Variants in NWD1 observed in about 807,000 individuals in gnomAD.
NWD1 encodes NACHT domain- and WD repeat-containing protein 1.
A neutral mutation model predicts 135.1 loss-of-function variants in NWD1; 129 were observed. That is an observed-to-expected ratio of 0.96 (90% CI 0.83 to 1.11). NWD1 has a LOEUF of 1.11. NWD1 is among the 50% of genes least tolerant of loss of function. The pLI is 0.00. For missense variants in NWD1, 1,740 were observed against 1,851.3 expected (o/e 0.94, Z 1.10); for synonymous variants, 773 against 786.0 (o/e 0.98, Z 0.28).
chr19:16,744,582 C>T lies in NWD1; in HGVS notation c.360C>T (p.Val120=). The change falls in exon 5 of 19, where the codon GTC becomes GTT. Residue 120 remains valine, a synonymous_variant. Coordinates refer to ENST00000524140, the MANE Select transcript of NWD1 (RefSeq NM_001007525.5). The stretch of plus-strand genomic sequence containing the variant: ...AGAATGCGTTTCCTCCCACCTACGT[C>T]CTGCAGGCACCAGGTACTGGGGAGG... ...RDENAFPPTY[V]LQAPGTGEAC... is the part of the protein sequence containing the mutation. 6.5e-7 allele frequency: 1 copy of T among 1,535,052 alleles called. No homozygotes were observed. Among genetic ancestry groups the T allele is most frequent in the South Asian group, 1.2e-5 (1 of 83,970 alleles).
chr19:16,735,758 A>G (rs1471869539), intron 3 of NWD1, among the ~76,000 whole-genome samples: 1 of 151,290 alleles, frequency 6.6e-6, no homozygotes, highest in African/African-American at 2.4e-5. Context: ...TGAACCCATT[A>G]GGCAAAATTT....
rs1479921367 is a variant in NWD1 at position 16,744,592 on chromosome 19, C to T, written c.370C>T (p.Pro124Ser). The change falls in exon 5 of 19, where the codon CCA becomes TCA. Residue 124 changes from proline (P) to serine (S), a missense_variant. Pro to Ser is a moderately conservative substitution (Grantham distance 74). Coordinates refer to ENST00000524140, the MANE Select transcript of NWD1 (RefSeq NM_001007525.5). ...TCCTCCCACCTACGTCCTGCAGGCA[C>T]CAGGTACTGGGGAGGCCTGTGAACC... ...AFPPTYVLQA[P>S]GTGEACEPEE... 1 of 1,534,888 alleles carries T rather than the reference C, an allele frequency of 6.5e-7. No individual in the cohort carries two copies. Among genetic ancestry groups the T allele is most frequent in the African/African-American group, 1.4e-5 (1 of 73,002 alleles).
Position 16,763,860 on chromosome 19 carries a change from G to T in NWD1, c.2166G>T (p.Thr722=). ...CGCAGCCTCTGTGGTTCTCACATAC[G>T]GTTGCAAACCTGCGGAAGCTGAAGG... ...VAPQPLWFSH[T]VANLRKLKEL... The change falls in exon 9 of 19, where the codon ACG becomes ACT. Residue 722 remains threonine, a synonymous_variant. Transcript: ENST00000524140. 6.2e-7 allele frequency: 1 copy of T among 1,613,926 alleles called. No homozygotes were observed.
intron 2 of NWD1, among the ~76,000 whole-genome samples, chr19:16,728,957 A>T (rs1023340705): frequency 2.7e-5 from 4 of 149,952 alleles, no homozygotes; most frequent in Admixed American, 6.7e-5. Context: ...AAAAAAAAAA[A>T]AAAAAAATAA....
chr19:16,775,031 C>T (rs569036915), intron 11 of NWD1, among the ~76,000 whole-genome samples: 7 of 152,270 alleles, frequency 4.6e-5, no homozygotes, highest in Non-Finnish European at 8.8e-5. Context: ...TATCTGCCCA[C>T]CCACAATCTC....
At chr19:16,748,132 C>T (rs147170721) in intron 5 of NWD1, among the ~76,000 whole-genome samples, 97 of 152,094 alleles carry the variant, frequency 6.4e-4, no homozygotes, top group African/African-American at 2.0e-3. Flanking sequence ...TACAGGCGTG[C>T]GGCATCACGC....
chr19:16,743,206 T>TAGCCTAG (rs1968159429), intron 4 of NWD1, among the ~76,000 whole-genome samples: 1 of 151,608 alleles, frequency 6.6e-6, no homozygotes, highest in Non-Finnish European at 1.5e-5. Context: ...CCACCTTGCC[T>TAGCCTAG]GGCCCCATTA....
At chr19:16,787,745 A>G (rs977777486) in intron 12 of NWD1, among the ~76,000 whole-genome samples, 9 of 151,744 alleles carry the variant, frequency 5.9e-5, no homozygotes, top group African/African-American at 2.2e-4. Context: ...CTGTAATCCC[A>G]GCTACTCAGG....
rs1264023712 is a variant in NWD1 at position 16,744,606 on chromosome 19, G to A, written c.384G>A (p.Glu128=). 1 of 1,535,140 alleles carries A rather than the reference G, an allele frequency of 6.5e-7. No individual in the cohort carries two copies. The highest frequency in any genetic ancestry group is 2.0e-5 in the Admixed American group (1 of 50,876). ...TCCTGCAGGCACCAGGTACTGGGGA[G>A]GCCTGTGAACCAGAGGAGGCCACCT... ...TYVLQAPGTG[E]ACEPEEATLT... Residue 128 remains glutamate (E), a synonymous_variant, in exon 5 of 19, where the codon GAG becomes GAA. Coordinates refer to ENST00000524140, the MANE Select transcript of NWD1 (RefSeq NM_001007525.5).
chr19:16,748,330 G>T (rs970835379), intron 5 of NWD1, among the ~76,000 whole-genome samples: 5 of 152,032 alleles, frequency 3.3e-5, no homozygotes, highest in African/African-American at 4.8e-5. Flanking sequence ...TATTGTGAAT[G>T]GTGCTGTTAC....
Position 16,757,543 on chromosome 19 carries a change from A to C in NWD1, c.1770-1682A>C, listed in dbSNP as rs1233696817. Among the ~76,000 whole-genome samples the C allele has an allele frequency of 2.0e-5, 3 of 152,312 alleles. No individual in the cohort carries two copies. In the East Asian group the frequency reaches 5.8e-4, roughly 29 times the overall value. On this transcript the variant is annotated intron_variant, in intron 6 of 18. Transcript: ENST00000524140. Reference sequence around the variant, plus strand: ...CAAAGAGAAGGTACATTCCTCACCAAGGTCTCCCAGCTAGGCTCAAACGCA... The same window carrying C: ...CAAAGAGAAGGTACATTCCTCACCACGGTCTCCCAGCTAGGCTCAAACGCA...
intron 17 of NWD1, among the ~76,000 whole-genome samples, chr19:16,803,755 T>TAAA (rs756016333): frequency 6.8e-4 from 87 of 128,458 alleles, no homozygotes; most frequent in African/African-American, 2.4e-3. Flanking sequence ...CAACTCTACT[T>TAAA]AAAAAAAAAA....
intron 10 of NWD1, 44 bp from the exon 11 acceptor site, chr19:16,773,082 G>T: frequency 6.4e-7 from 1 of 1,560,098 alleles, no homozygotes; most frequent in South Asian, 1.1e-5. Flanking sequence ...GGAGGGTAGA[G>T]GGGGCTCAAT....
chr19:16,802,197 G>A (rs1002315109), intron 17 of NWD1, among the ~76,000 whole-genome samples: 2 of 151,706 alleles, frequency 1.3e-5, no homozygotes, highest in Admixed American at 1.3e-4. Flanking sequence ...CAGGAGAATC[G>A]CTTGAGCCCG....
At chr19:16,807,265 G>A (rs1311222004) in intron 17 of NWD1, among the ~76,000 whole-genome samples, 1 of 151,936 alleles carries the variant, frequency 6.6e-6, no homozygotes, top group Non-Finnish European at 1.5e-5. Flanking sequence ...AGGCCAAGGT[G>A]GGTGGATCAC....
intron 10 of NWD1, among the ~76,000 whole-genome samples, chr19:16,768,858 C>T (rs10410132): frequency 0.045 from 6,840 of 152,268 alleles, 188 homozygotes; most frequent in African/African-American, 0.081. Flanking sequence ...GATTCCTATG[C>T]AGAGCTTCTA....
chr19:16,781,945 T>A (rs1416912702), intron 12 of NWD1, among the ~76,000 whole-genome samples: 1 of 150,944 alleles, frequency 6.6e-6, no homozygotes. Context: ...ACAAAAAAAA[T>A]TAGCTGGGCG....
In NWD1 at chr19:16,815,202, T is replaced by C. The variant is rs1971033179; in HGVS notation, c.*163T>C. 1 of 818,502 alleles carries C rather than the reference T, an allele frequency of 1.2e-6. No homozygotes were observed. Among genetic ancestry groups the C allele is most frequent in the Non-Finnish European group, 2.2e-6 (1 of 452,494 alleles). The allele number at this position is 818,502 out of a possible 1,614,324, so 50.7% of individuals were successfully genotyped here. A position where few individuals can be genotyped will look rare whatever the true frequency, so the allele number is the denominator to read the frequency against. ...AAGAACTTCAAGAAGGCAATGTGGATGGTCAAATCCAGGCAGAGAGAGGAG... is the reference window on the plus strand; with the variant it reads ...AAGAACTTCAAGAAGGCAATGTGGACGGTCAAATCCAGGCAGAGAGAGGAG... On this transcript the variant is annotated 3_prime_UTR_variant, in exon 19 of 19. Coordinates refer to ENST00000524140, the MANE Select transcript of NWD1 (RefSeq NM_001007525.5).
At chr19:16,812,985 C>A in intron 18 of NWD1, 1 of 660,432 alleles carries the variant, frequency 1.5e-6, no homozygotes, top group South Asian at 1.8e-5. Flanking sequence ...AAGGTGTCTG[C>A]AGGCAAAGGC....
Sources: allele counts gnomAD v4.1 joint callset (sites outside exome capture counted in the v4.1 genomes callset), GRCh38; gene constraint gnomAD v4.1.1; transcripts MANE v1.5; gene names NCBI Gene and HGNC (gene_info 2026-07-23, HGNC 2026-07-21).